The following UGT1A6 variants were observed in gnomAD, a reference collection of about 807,000 sequenced individuals.
UGT1A6 encodes the protein UDP glucuronosyltransferase family 1 member A6.
A neutral mutation model predicts 44.4 loss-of-function variants in UGT1A6; 32 were observed. The observed-to-expected ratio is 0.72, with a 90% confidence interval of 0.54 to 0.97. The LOEUF (loss-of-function observed/expected upper bound fraction) is 0.97, where lower values mean the gene tolerates loss of function less well. Among genes scored for constraint, UGT1A6 ranks in the 50% least tolerant of loss-of-function variants. The pLI is 0.00. For synonymous variants in UGT1A6, 238 were observed against 248.5 expected (o/e 0.96, Z 0.40); for missense variants, 685 against 661.9 (o/e 1.03, Z -0.38).
intron 1 of UGT1A6, among the ~76,000 whole-genome samples, chr2:233,726,781 C>T (rs2077561250): frequency 6.6e-6 from 1 of 152,176 alleles, no homozygotes; most frequent in Non-Finnish European, 1.5e-5. Context: ...TAAAGTGAAA[C>T]CCACATCTTA....
intron 1 of UGT1A6, among the ~76,000 whole-genome samples, chr2:233,697,414 G>T (rs1199791419): frequency 3.3e-5 from 5 of 151,592 alleles, no homozygotes; most frequent in African/African-American, 1.2e-4. Context: ...TGTGGTGTCA[G>T]TTGCTGTGTT....
intron 1 of UGT1A6, chr2:233,728,975 A>G: frequency 6.7e-7 from 1 of 1,489,458 alleles, no homozygotes; most frequent in Non-Finnish European, 9.0e-7. Context: ...TGATAGATTA[A>G]TGGTTAATAA....
chr2:233,719,883 T>G (rs871514), intron 1 of UGT1A6, among the ~76,000 whole-genome samples: 1 of 151,918 alleles, frequency 6.6e-6, no homozygotes, highest in Non-Finnish European at 1.5e-5. Context: ...GAGGCACGGA[T>G]GAGGGTCTGT....
At chr2:233,741,288 A>G (rs1260428951) in intron 1 of UGT1A6, among the ~76,000 whole-genome samples, 2 of 151,770 alleles carry the variant, frequency 1.3e-5, no homozygotes, top group Non-Finnish European at 2.9e-5. Context: ...GGATTTATGT[A>G]CCCAATTGTG....
chr2:233,728,715 G>A (rs1198511958), intron 1 of UGT1A6, among the ~76,000 whole-genome samples: 1 of 152,204 alleles, frequency 6.6e-6, no homozygotes, highest in African/African-American at 2.4e-5. Context: ...GTCACATCCA[G>A]CAGAGAGCAT....
chr2:233,747,873 T>C, intron 1 of UGT1A6: 1 of 1,613,590 alleles, frequency 6.2e-7, no homozygotes, highest in Non-Finnish European at 8.5e-7. Context: ...TCTGGCCCTG[T>C]CCTACCTTTG....
At chr2:233,707,504 A>G (rs1253461322) in intron 1 of UGT1A6, among the ~76,000 whole-genome samples, 1 of 148,816 alleles carries the variant, frequency 6.7e-6, no homozygotes, top group Non-Finnish European at 1.5e-5. Flanking sequence ...GGTACTTAAC[A>G]TAAATAGAAT....
Position 233,769,884 on chromosome 2 carries a change from C to T in UGT1A6, c.1301+1445C>T, listed in dbSNP as rs1466829536. On this transcript the variant is annotated intron_variant, in intron 4 of 4. Transcript: ENST00000305139. The surrounding 1 kb of genome is among the most constrained non-coding windows in gnomAD (Gnocchi z 4.4). The stretch of plus-strand genomic sequence containing the variant: ...AAAAAAAAAAAAAAAATGAAAAGTC[C>T]ACATAACCTGAGCATCATGTGCCCA... 5.0e-6 allele frequency: 2 copies of T among 403,872 alleles called. No individual in the cohort carries two copies. Among genetic ancestry groups the T allele is most frequent in the Non-Finnish European group, 8.7e-6 (2 of 230,852 alleles). 25.0% of individuals were successfully genotyped at this position (403,872 alleles called of 1,614,324 possible).
chr2:233,713,265 C>A (rs770209123), intron 1 of UGT1A6: 2 of 1,614,232 alleles, frequency 1.2e-6, no homozygotes, highest in East Asian at 2.2e-5. Flanking sequence ...ATTTGATCGC[C>A]TTTTGCTGGG....
At position 233,713,558 on chromosome 2, in the gene UGT1A6, C is replaced by T. The variant is rs17863789; in HGVS notation, c.861+19693C>T. 1.1e-4 allele frequency: 181 copies of T among 1,613,960 alleles called. 2 individuals carry two copies. The Admixed American group carries it at 2.1e-3, about 19-fold the overall frequency. On this transcript the variant is annotated intron_variant, in intron 1 of 4. Transcript: ENST00000305139. ...ACTTTAAGGGCACACAGTGTCCAAA[C>T]CCTTCCTCCTATATTCCTAGATTAC...
intron 1 of UGT1A6, among the ~76,000 whole-genome samples, chr2:233,706,280 G>A (rs2075901019): frequency 6.6e-6 from 1 of 152,024 alleles, no homozygotes; most frequent in Non-Finnish European, 1.5e-5. Context: ...CCTCAGGGGT[G>A]GGGCCCAGTG....
intron 1 of UGT1A6, among the ~76,000 whole-genome samples, chr2:233,715,487 T>A (rs958657491): frequency 6.6e-6 from 1 of 152,178 alleles, no homozygotes; most frequent in African/African-American, 2.4e-5. Context: ...TGAAAATGAT[T>A]TGTGTGCAAG....
intron 1 of UGT1A6, chr2:233,760,872 G>C: frequency 6.2e-7 from 1 of 1,614,112 alleles, no homozygotes; most frequent in Non-Finnish European, 8.5e-7. Context: ...ACGTGCCCAG[G>C]CCTCTCTCCT....
chr2:233,703,131 T>C (rs189915613), intron 1 of UGT1A6, among the ~76,000 whole-genome samples: 2 of 152,336 alleles, frequency 1.3e-5, no homozygotes, highest in East Asian at 1.9e-4. Flanking sequence ...TTACCTGTTA[T>C]GGCTTTATTT....
chr2:233,732,984 G>A lies in UGT1A6; in HGVS notation c.862-34050G>A, dbSNP rs112925257. On this transcript the variant is annotated intron_variant, in intron 1 of 4. Coordinates refer to ENST00000305139, the MANE Select transcript of UGT1A6 (RefSeq NM_001072.4). ...ATTTGTTTGTGTCTTCTTTTATTTCGTTGAGCAGTGGTTTGTAGTTCTCCT... is the reference window on the plus strand; with the variant it reads ...ATTTGTTTGTGTCTTCTTTTATTTCATTGAGCAGTGGTTTGTAGTTCTCCT... 1.2e-3 allele frequency among the ~76,000 whole-genome samples: 181 copies of A among 152,020 alleles called. 1 individual carries two copies. The highest frequency in any genetic ancestry group is 5.5e-3 in the Admixed American group (84 of 15,268).
intron 1 of UGT1A6, chr2:233,743,961 G>C (rs1220735729): frequency 1.5e-6 from 2 of 1,333,366 alleles, no homozygotes; most frequent in East Asian, 4.6e-5. Context: ...ACAGCGAGCG[G>C]CAAGGCTGCC....
At position 233,711,088 on chromosome 2, in the gene UGT1A6, A is replaced by G. The variant is rs145698870; in HGVS notation, c.861+17223A>G. ...CACTTATGCTGATGGCTCCAAGTCTATCTGTGCAGCCCAGACCCCTCCTCA... is the reference window on the plus strand; with the variant it reads ...CACTTATGCTGATGGCTCCAAGTCTGTCTGTGCAGCCCAGACCCCTCCTCA... On this transcript the variant is annotated intron_variant, in intron 1 of 4. Coordinates refer to ENST00000305139, the MANE Select transcript of UGT1A6 (RefSeq NM_001072.4). Among the ~76,000 whole-genome samples, 1,153 of 152,228 alleles carry G rather than the reference A, an allele frequency of 7.6e-3. 11 individuals carry two copies. The highest frequency in any genetic ancestry group is 0.025 in the African/African-American group (1,043 of 41,536).
At chr2:233,731,985 C>T (rs770013724) in intron 1 of UGT1A6, among the ~76,000 whole-genome samples, 2 of 152,098 alleles carry the variant, frequency 1.3e-5, no homozygotes, top group Admixed American at 6.6e-5. Flanking sequence ...TTCTAACTGG[C>T]GTGAGATGGT....
At chr2:233,713,977 C>G in intron 1 of UGT1A6, 1 of 1,595,304 alleles carries the variant, frequency 6.3e-7, no homozygotes, top group Non-Finnish European at 8.5e-7. Context: ...TTCTGCTTCT[C>G]ATTGTTGTAA....
Sources: allele counts gnomAD v4.1 joint callset (sites outside exome capture counted in the v4.1 genomes callset), GRCh38; gene constraint gnomAD v4.1.1; non-coding constraint Gnocchi (gnomAD v3.1); transcripts MANE v1.5; gene names NCBI Gene and HGNC (gene_info 2026-07-23, HGNC 2026-07-21).